ASMT: variants seen among roughly 807,000 people sequenced by gnomAD.
ASMT encodes acetylserotonin O-methyltransferase, also known as acetylserotonin N-methyltransferase.
In ASMT, 53 loss-of-function variants were observed where a neutral mutation model predicts 41.3. The observed-to-expected ratio is 1.28, with a 90% CI of 1.03 to 1.61. ASMT has a LOEUF of 1.61. Among genes scored for constraint, ASMT ranks in the 40% most tolerant of loss-of-function variants. ASMT has a pLI of 0.00. For synonymous variants in ASMT, 231 were observed against 184.8 expected (o/e 1.25, Z -2.03); for missense variants, 531 against 441.3 (o/e 1.20, Z -1.82).
rs10582998 is a variant in ASMT, at chrX:1,629,082, T to TTA, written c.444-725_444-724dup. On this transcript the variant is annotated intron_variant, in intron 4 of 8. Transcript: ENST00000381241. ...CTTCCTTCTTCCTTCTTTCCTTTCTTTATATATATATATATGTGTGTATAC... is the reference window on the plus strand; with the variant it reads ...CTTCCTTCTTCCTTCTTTCCTTTCTTTATATATATATATATATGTGTGTATAC... Among the ~76,000 whole-genome samples, 76 of 148,274 alleles carry TTA rather than the reference T, an allele frequency of 5.1e-4. 1 individual carries two copies. In the South Asian group the frequency reaches 7.1e-3, roughly 14 times the overall value.
intron 5 of ASMT, among the ~76,000 whole-genome samples, chrX:1,631,914 C>T (rs1934792600): frequency 6.6e-6 from 1 of 152,116 alleles, no homozygotes; most frequent in Non-Finnish European, 1.5e-5. Context: ...CCAGGCATGA[C>T]AGTAGGTGCC....
At chrX:1,628,075 C>G in intron 4 of ASMT, 1 of 439,764 alleles carries the variant, frequency 2.3e-6, no homozygotes, top group Non-Finnish European at 4.1e-6. Context: ...CATCCCAGAA[C>G]TTTGGGAGGC....
chrX:1,636,938 AG>A (rs1383592275), intron 8 of ASMT, among the ~76,000 whole-genome samples: 1 of 96,668 alleles, frequency 1.0e-5, no homozygotes, highest in Non-Finnish European at 2.1e-5. Context: ...ACAGTGTCCC[AG>A]CTCTCCTGTG....
chrX:1,635,405 G>A (rs1382098914), intron 7 of ASMT, among the ~76,000 whole-genome samples: 2 of 152,148 alleles, frequency 1.3e-5, no homozygotes, highest in African/African-American at 4.8e-5. Context: ...TAAAGGGTCA[G>A]TCTTGCGTAT....
chrX:1,636,041 C>T lies in ASMT; in HGVS notation c.788-397C>T, dbSNP rs189020669. Reference sequence around the variant, plus strand: ...TGCAATCTCGGCTCACTGCAAGCTCCGCCTCCCGGGTTCATGCCATTCTCC... The same window carrying T: ...TGCAATCTCGGCTCACTGCAAGCTCTGCCTCCCGGGTTCATGCCATTCTCC... On this transcript the variant is annotated intron_variant, in intron 7 of 8. Coordinates refer to ENST00000381241, the MANE Select transcript of ASMT (RefSeq NM_001171038.2). Among the ~76,000 whole-genome samples the T allele has an allele frequency of 7.5e-3, 1,125 of 150,426 alleles. 17 individuals are homozygous for T. The highest frequency in any genetic ancestry group is 0.026 in the African/African-American group (1,066 of 41,020).
chrX:1,643,076 C>A lies in ASMT; in HGVS notation c.*62C>A. ...CAAGACATAATAATAAAGACATGTA[C>A]CTCCAGTGGCTTCTTGTTCTTGGTG... On this transcript the variant is annotated 3_prime_UTR_variant, in exon 9 of 9. Coordinates refer to ENST00000381241, the MANE Select transcript of ASMT (RefSeq NM_001171038.2). The A allele has an allele frequency of 6.5e-7, 1 of 1,540,754 alleles. No individual in the cohort carries two copies. The highest frequency in any genetic ancestry group is 9.0e-7 in the Non-Finnish European group (1 of 1,113,936).
chrX:1,620,383 G>A (rs1350480709), intron 1 of ASMT, among the ~76,000 whole-genome samples: 1 of 151,618 alleles, frequency 6.6e-6, no homozygotes, highest in Non-Finnish European at 1.5e-5. Context: ...GGCCAGGCTG[G>A]TGTCGAACTC....
chrX:1,621,672 G>T (rs1175423696), intron 1 of ASMT, among the ~76,000 whole-genome samples: 1 of 151,600 alleles, frequency 6.6e-6, no homozygotes, highest in Non-Finnish European at 1.5e-5. Context: ...CCTGATTACT[G>T]CTTTATTTTA....
At chrX:1,637,113 G>C (rs1365991111) in intron 8 of ASMT, among the ~76,000 whole-genome samples, 1 of 119,666 alleles carries the variant, frequency 8.4e-6, no homozygotes, top group African/African-American at 3.3e-5. Flanking sequence ...GCTCTCCTGT[G>C]AGGTCCACCC....
In ASMT at chrX:1,625,761, T is replaced by C. The variant is rs1204336417; in HGVS notation, c.374+1363T>C. Among the ~76,000 whole-genome samples, 86 of 151,498 alleles carry C rather than the reference T, an allele frequency of 5.7e-4. 1 individual carries two copies. The highest frequency in any genetic ancestry group is 4.9e-3 in the Admixed American group (75 of 15,180). Reference sequence around the variant, plus strand: ...CGAGGTCAGGAGATCGAGACCATCCTGGCTAACACGGTGAAACCCCGTCTC... The same window carrying C: ...CGAGGTCAGGAGATCGAGACCATCCCGGCTAACACGGTGAAACCCCGTCTC... On this transcript the variant is annotated intron_variant, in intron 3 of 8. Coordinates refer to ENST00000381241, the MANE Select transcript of ASMT (RefSeq NM_001171038.2).
At chrX:1,625,756 C>T (rs1934518398) in intron 3 of ASMT, among the ~76,000 whole-genome samples, 1 of 151,406 alleles carries the variant, frequency 6.6e-6, no homozygotes, top group Non-Finnish European at 1.5e-5. Context: ...AGATCGAGAC[C>T]ATCCTGGCTA....
chrX:1,642,320 G>T (rs1468338170), intron 8 of ASMT, among the ~76,000 whole-genome samples: 1 of 146,562 alleles, frequency 6.8e-6, no homozygotes, highest in East Asian at 2.1e-4. Context: ...CATCCTGATG[G>T]TCCATGAGGA....
At chrX:1,619,274 G>A (rs1222855159) in intron 1 of ASMT, among the ~76,000 whole-genome samples, 1 of 151,322 alleles carries the variant, frequency 6.6e-6, no homozygotes, top group East Asian at 1.9e-4. Flanking sequence ...GGCACCTGTA[G>A]TACCAGCTAC....
chrX:1,618,576 G>A (rs1226649389), intron 1 of ASMT, among the ~76,000 whole-genome samples: 16 of 148,204 alleles, frequency 1.1e-4, no homozygotes, highest in African/African-American at 1.5e-4. Context: ...CTAGGATGAC[G>A]GGCGTGAGCC....
chrX:1,627,819 A>AT, intron 4 of ASMT, 48 bp downstream of exon 4: 1 of 1,560,468 alleles, frequency 6.4e-7, no homozygotes, highest in Non-Finnish European at 8.8e-7. Flanking sequence ...GATTCTGTTT[A>AT]TTTTTAAAGG....
chrX:1,636,107 C>G (rs1934950467), intron 7 of ASMT: 3 of 363,256 alleles, frequency 8.3e-6, no homozygotes, highest in South Asian at 6.6e-5. Context: ...AGGCACCCGC[C>G]ATCACGCCCG....
chrX:1,637,084 A>ATGG (rs1569384611), intron 8 of ASMT, among the ~76,000 whole-genome samples: 2 of 88,038 alleles, frequency 2.3e-5, no homozygotes, highest in South Asian at 3.6e-4. Context: ...TCTGTGTGTG[A>ATGG]GATAAGGACT....
rs183462233 is a variant in ASMT at position 1,633,312 on chromosome X, A to T, written c.787+22A>T. The T allele has an allele frequency of 2.7e-4, 440 of 1,613,856 alleles. 3 individuals are homozygous for T. The East Asian group carries it at 9.6e-3, about 35-fold the overall frequency. ...GAAGGTGTGTTTGTGTCCGTGGGGA[A>T]GCAGAGATGTGTCTCACGGCTTCTC... On this transcript the variant is annotated intron_variant, in intron 7 of 8. Coordinates refer to ENST00000381241, the MANE Select transcript of ASMT (RefSeq NM_001171038.2).
chrX:1,615,850 G>T (rs1934076053), intron 1 of ASMT, among the ~76,000 whole-genome samples: 1 of 151,904 alleles, frequency 6.6e-6, no homozygotes, highest in South Asian at 2.1e-4. Flanking sequence ...AGCTTAAGAT[G>T]AAATACATAG....
Sources: allele counts gnomAD v4.1 joint callset (sites outside exome capture counted in the v4.1 genomes callset), GRCh38; gene constraint gnomAD v4.1.1; transcripts MANE v1.5; gene names NCBI Gene and HGNC (gene_info 2026-07-23, HGNC 2026-07-21).